The following CEP41 variants were observed in gnomAD, a reference collection of about 807,000 sequenced individuals.
CEP41 encodes the protein centrosomal protein of 41 kDa.
CEP41 carries 32 observed loss-of-function variants against 44.3 expected under a neutral mutation model. That is an observed-to-expected ratio of 0.72 (90% CI 0.54 to 0.97). The LOEUF (loss-of-function observed/expected upper bound fraction) is 0.97, where lower values mean the gene tolerates loss of function less well. Ranked by LOEUF, CEP41 falls within the 50% of genes least tolerant of loss-of-function variation. The pLI, the probability that CEP41 is intolerant of heterozygous loss-of-function variation, is 0.00. For missense variants in CEP41, 432 were observed against 455.2 expected (o/e 0.95, Z 0.46); for synonymous variants, 151 against 168.5 (o/e 0.90, Z 0.80).
At chr7:130,404,802 T>A in intron 5 of CEP41, 94 bp from the exon 6 acceptor site, 1 of 1,007,120 alleles carries the variant, frequency 9.9e-7, no homozygotes, top group Non-Finnish European at 1.6e-6. Context: ...AAAGGAAATC[T>A]TATCATCATT....
chr7:130,431,723 C>G (rs1404073626), intron 1 of CEP41, among the ~76,000 whole-genome samples: 3 of 151,998 alleles, frequency 2.0e-5, no homozygotes, highest in African/African-American at 7.3e-5. Context: ...GAGGGAGTAC[C>G]AACAGTTTTC....
chr7:130,421,053 A>C, intron 2 of CEP41: 1 of 983,252 alleles, frequency 1.0e-6, no homozygotes, highest in Non-Finnish European at 1.2e-6. Flanking sequence ...GTTTACTTAC[A>C]ACTAAAGTTG....
chr7:130,425,395 G>A (rs980545255), intron 2 of CEP41, among the ~76,000 whole-genome samples: 11 of 152,184 alleles, frequency 7.2e-5, no homozygotes, highest in Admixed American at 4.6e-4. Flanking sequence ...CCTGGGTGAC[G>A]GGATAAGACT....
chr7:130,402,546 T>G (rs1554417216), intron 7 of CEP41, 102 bp downstream of exon 7: 8 of 1,269,996 alleles, frequency 6.3e-6, no homozygotes, highest in Non-Finnish European at 9.2e-6. Flanking sequence ...ACATACGGTT[T>G]CCTCAACTGT....
intron 1 of CEP41, among the ~76,000 whole-genome samples, chr7:130,439,688 T>G (rs1437410642): frequency 6.6e-6 from 1 of 152,160 alleles, no homozygotes; most frequent in Non-Finnish European, 1.5e-5. Flanking sequence ...CCTTACAGCT[T>G]TCTCAGCCTA....
chr7:130,399,754 A>C (rs1321374296), intron 10 of CEP41: 1 of 352,930 alleles, frequency 2.8e-6, no homozygotes, highest in Non-Finnish European at 5.4e-6. Context: ...GGGGAGACGG[A>C]GGTTGCAGTG....
rs782034329 is a variant in CEP41, at chr7:130,398,570, TA to T, written c.*320del. 38 of 490,202 alleles carry T rather than the reference TA, an allele frequency of 7.8e-5. 1 individual carries two copies. The highest frequency in any genetic ancestry group is 3.7e-4 in the South Asian group (24 of 64,614). The allele number at this position is 490,202 out of a possible 1,614,324, so 30.4% of individuals were successfully genotyped here. A position where few individuals can be genotyped will look rare whatever the true frequency, so the allele number is the denominator to read the frequency against. The stretch of plus-strand genomic sequence containing the variant: ...AGAGACCCAACAAGCTGGACCTTAT[TA>T]AAAAAAAACAAAACAAAAAAACTAA... On this transcript the variant is annotated 3_prime_UTR_variant, in exon 11 of 11. Transcript: ENST00000223208.
At chr7:130,419,908 C>T (rs1382235330) in intron 2 of CEP41, 2 of 985,212 alleles carry the variant, frequency 2.0e-6, no homozygotes, top group African/African-American at 3.5e-5. Context: ...ATTGTCTTAC[C>T]TACCTTACTA....
At chr7:130,436,659 C>A (rs1381958134) in intron 1 of CEP41, among the ~76,000 whole-genome samples, 1 of 142,506 alleles carries the variant, frequency 7.0e-6, no homozygotes. Flanking sequence ...TTTTTTTTTG[C>A]AACTTCCTGT....
chr7:130,437,623 A>G (rs1183878224), intron 1 of CEP41, among the ~76,000 whole-genome samples: 1 of 151,844 alleles, frequency 6.6e-6, no homozygotes. Flanking sequence ...ATACAAAAAA[A>G]TGAGCTGGGC....
Position 130,436,742 on chromosome 7 carries a change from TA to T in CEP41, c.33+4191del, listed in dbSNP as rs1797977055. Among the ~76,000 whole-genome samples, 3 of 151,916 alleles carry T rather than the reference TA, an allele frequency of 2.0e-5. No homozygotes were observed. In the South Asian group the frequency reaches 6.2e-4, roughly 32 times the overall value. On this transcript the variant is annotated intron_variant, in intron 1 of 10. Transcript: ENST00000223208. ...AGCAAAAAACAGAGCTCTTAAAAATTAAAAACATGGGCTGGGCACAGTGGCT... is the reference window on the plus strand; with the variant it reads ...AGCAAAAAACAGAGCTCTTAAAAATTAAAACATGGGCTGGGCACAGTGGCT...
chr7:130,395,113 T>TA lies in CEP41; in HGVS notation c.*3777_*3778insT, dbSNP rs1554413988. On this transcript the variant is annotated 3_prime_UTR_variant, in exon 11 of 11. Transcript: ENST00000223208. ...GCTGACAAATTTCCACCATTACATTTTTTATGTTGTAACTGACCTGTGTAT... is the reference window on the plus strand; with the variant it reads ...GCTGACAAATTTCCACCATTACATTTATTTATGTTGTAACTGACCTGTGTAT... The TA allele has an allele frequency of 2.2e-6, 1 of 454,136 alleles. No homozygotes were observed. The allele number at this position is 454,136 out of a possible 1,614,324, so 28.1% of individuals were successfully genotyped here. A position where few individuals can be genotyped will look rare whatever the true frequency, so the allele number is the denominator to read the frequency against.
chr7:130,411,703 G>C (rs1221623124), intron 4 of CEP41, among the ~76,000 whole-genome samples: 12 of 152,116 alleles, frequency 7.9e-5, no homozygotes, highest in African/African-American at 2.9e-4. Context: ...TATGCCAGTG[G>C]AACTCTTGGA....
chr7:130,425,831 A>C (rs782512152), intron 2 of CEP41, among the ~76,000 whole-genome samples: 1 of 152,282 alleles, frequency 6.6e-6, no homozygotes, highest in Non-Finnish European at 1.5e-5. Flanking sequence ...GGAACAAATT[A>C]CTGATATATG....
chr7:130,412,801 C>T (rs1797222651), intron 3 of CEP41, among the ~76,000 whole-genome samples: 1 of 152,194 alleles, frequency 6.6e-6, no homozygotes, highest in African/African-American at 2.4e-5. Context: ...GGGCACACAG[C>T]TGTGATTGGT....
rs973556050 is a variant in CEP41 at position 130,424,775 on chromosome 7, T to C, written c.97+3180A>G. ...AAAATCATGGTAGAAAAAAAAATCA[T>C]TGGGATCGAGGCCAGGCAAAGACTT... On this transcript the variant is annotated intron_variant, in intron 2 of 10. Coordinates refer to ENST00000223208, the MANE Select transcript of CEP41 (RefSeq NM_018718.3). 8.6e-5 allele frequency among the ~76,000 whole-genome samples: 13 copies of C among 152,008 alleles called. 1 individual carries two copies. The highest frequency in any genetic ancestry group is 6.5e-4 in the Admixed American group (10 of 15,282).
intron 2 of CEP41, chr7:130,419,212 C>T (rs541330159): frequency 4.8e-4 from 471 of 985,374 alleles, no homozygotes; most frequent in Non-Finnish European, 5.4e-4. Context: ...CAGACCAAAT[C>T]TGAGAGGACT....
At position 130,396,580 on chromosome 7, in the gene CEP41, C is replaced by A; in HGVS notation, c.*2311G>T. ...CTTCAACATTCATAATTGCACAAAG[C>A]ATCACTGGTCATTTAAATAATACAT... On this transcript the variant is annotated 3_prime_UTR_variant, in exon 11 of 11. Coordinates refer to ENST00000223208, the MANE Select transcript of CEP41 (RefSeq NM_018718.3). The A allele has an allele frequency of 2.2e-6, 1 of 454,464 alleles. No individual in the cohort carries two copies. Among genetic ancestry groups the A allele is most frequent in the Non-Finnish European group, 4.4e-6 (1 of 226,766 alleles). 28.2% of individuals were successfully genotyped at this position (454,464 alleles called of 1,614,324 possible). A position where few individuals can be genotyped will look rare whatever the true frequency, so the allele number is the denominator to read the frequency against.
intron 1 of CEP41, among the ~76,000 whole-genome samples, chr7:130,432,433 TATGAG>T (rs1797848690): frequency 6.6e-6 from 1 of 151,640 alleles, no homozygotes; most frequent in South Asian, 2.1e-4. Flanking sequence ...GTGTGCTGAG[TATGAG>T]ATATCTGTGG....
Sources: allele counts gnomAD v4.1 joint callset (sites outside exome capture counted in the v4.1 genomes callset), GRCh38; gene constraint gnomAD v4.1.1; transcripts MANE v1.5; gene names NCBI Gene and HGNC (gene_info 2026-07-23, HGNC 2026-07-21).